The following ZNF599 variants were observed in gnomAD, a reference collection of about 807,000 sequenced individuals.
ZNF599 encodes the protein zinc finger protein 599.
In ZNF599, 10 loss-of-function variants were observed where a neutral mutation model predicts 11.7. That is an observed-to-expected ratio of 0.86 (90% CI 0.53 to 1.45). The LOEUF is 1.45. ZNF599 is among the 40% of genes most tolerant of loss of function. ZNF599 has a pLI of 0.00. For missense variants in ZNF599, 688 were observed against 713.6 expected, an observed-to-expected ratio of 0.96 and a Z score of 0.41; for synonymous variants, 232 against 253.2, an observed-to-expected ratio of 0.92 and a Z score of 0.79.
At chr19:34,795,434 C>G in the ZNF599 span, among the ~76,000 whole-genome samples, 1 of 152,128 alleles carries the variant, frequency 6.6e-6, no homozygotes. Flanking sequence ...ACTACCCTGC[C>G]CAGCTATTTT....
At chr19:34,772,434 C>T (rs944774984) in intron 1 of ZNF599, 8 of 1,056,360 alleles carry the variant, frequency 7.6e-6, no homozygotes, top group Non-Finnish European at 9.1e-6. Flanking sequence ...CTAGAGAGTC[C>T]TTCTTCAAAG....
At chr19:34,777,459 AATATATTAT>A (rs2069225793), upstream of ZNF599, among the ~76,000 whole-genome samples, 1 of 98,362 alleles carries the variant, frequency 1.0e-5, no homozygotes, top group South Asian at 2.5e-4. Flanking sequence ...ATTAATATAT[AATATATTAT>A]ATATTAATTA....
the ZNF599 span, among the ~76,000 whole-genome samples, chr19:34,782,197 C>A: frequency 6.6e-6 from 1 of 152,198 alleles, no homozygotes; most frequent in Non-Finnish European, 1.5e-5. Context: ...AGTTGGGCAA[C>A]TAAATGGTTG....
At chr19:34,791,068 A>G in the ZNF599 span, among the ~76,000 whole-genome samples, 1 of 152,212 alleles carries the variant, frequency 6.6e-6, no homozygotes, top group African/African-American at 2.4e-5. Flanking sequence ...AGACAATCCA[A>G]TGAGATGAAA....
chr19:34,778,462 G>GAAACTGATAAACGTCTAGC, the ZNF599 span, among the ~76,000 whole-genome samples: 1 of 152,076 alleles, frequency 6.6e-6, no homozygotes, highest in Non-Finnish European at 1.5e-5. Flanking sequence ...TGAGATCAAT[G>GAAACTGATAAACGTCTAGC]AAACTGATAA....
At chr19:34,798,751 T>G in the ZNF599 span, among the ~76,000 whole-genome samples, 2 of 152,246 alleles carry the variant, frequency 1.3e-5, no homozygotes, top group African/African-American at 4.8e-5. Context: ...TGTTACAGCC[T>G]AAATTATTTT....
Position 34,759,853 on chromosome 19 carries a change from A to G in ZNF599, c.948T>C (p.Cys316=). The change falls in exon 4 of 4, where the codon TGT becomes TGC. Residue 316 remains cysteine, a synonymous_variant. Coordinates refer to ENST00000329285, the MANE Select transcript of ZNF599 (RefSeq NM_001007248.3). ...TREKPFLCKE[C]GKAFYYSSSF... is the part of the protein sequence containing the mutation. The stretch of plus-strand genomic sequence containing the variant: ...AGGAGCTGTAGTAAAAAGCTTTCCC[A>G]CATTCTTTGCATAAAAAGGGTTTTT... 6.2e-7 allele frequency: 1 copy of G among 1,614,172 alleles called. No individual in the cohort carries two copies. The highest frequency in any genetic ancestry group is 1.3e-5 in the African/African-American group (1 of 75,046).
Position 34,760,163 on chromosome 19 carries a change from G to T in ZNF599, c.638C>A (p.Ala213Asp), listed in dbSNP as rs1568492307. 11 of 1,614,096 alleles carry T rather than the reference G, an allele frequency of 6.8e-6. No individual in the cohort carries two copies. Among genetic ancestry groups the T allele is most frequent in the Non-Finnish European group, 9.3e-6 (11 of 1,180,014 alleles). ...ATGAATCTGTTGATGCCGAACAAGG[G>T]CCCACTTCTTGCTAAACCCTTTCCC... Reference protein sequence around the residue: ...ECGKGFSKKWALVRHQQIHAG... With the variant: ...ECGKGFSKKWDLVRHQQIHAG... The change falls in exon 4 of 4, where the codon GCC becomes GAC. Residue 213 changes from alanine to aspartate, a missense_variant. By Grantham distance (126) the Ala-to-Asp change is moderately radical. Transcript: ENST00000329285.
At chr19:34,789,281 T>C in the ZNF599 span, among the ~76,000 whole-genome samples, 4 of 152,212 alleles carry the variant, frequency 2.6e-5, no homozygotes, top group Non-Finnish European at 5.9e-5. Flanking sequence ...GTTGTTCCCA[T>C]AGCTTAGCTT....
At chr19:34,780,221 C>T in the ZNF599 span, among the ~76,000 whole-genome samples, 24 of 152,188 alleles carry the variant, frequency 1.6e-4, no homozygotes, top group African/African-American at 5.1e-4. Flanking sequence ...AAGAGTAGAC[C>T]ACATGGCCAG....
chr19:34,775,854 C>T (rs551494481), upstream of ZNF599, among the ~76,000 whole-genome samples: 1 of 152,190 alleles, frequency 6.6e-6, no homozygotes, highest in East Asian at 1.9e-4. Flanking sequence ...AAATATTAGA[C>T]CTATTACTGC....
chr19:34,780,713 AAAG>A, the ZNF599 span, among the ~76,000 whole-genome samples: 1 of 150,572 alleles, frequency 6.6e-6, no homozygotes, highest in African/African-American at 2.4e-5. Context: ...CAAGAAAGAG[AAAG>A]AAGGAAAGAA....
intron 2 of ZNF599, among the ~76,000 whole-genome samples, 185 bp downstream of exon 2, chr19:34,769,244 T>C (rs1427187679): frequency 6.6e-6 from 1 of 152,164 alleles, no homozygotes; most frequent in Non-Finnish European, 1.5e-5. Flanking sequence ...AGGACTGTGT[T>C]TCTTACATAA....
the ZNF599 span, among the ~76,000 whole-genome samples, chr19:34,800,586 G>GTTTTTTTTTTT: frequency 5.8e-4 from 65 of 112,988 alleles, no homozygotes; most frequent in Non-Finnish European, 7.2e-4. Context: ...CATTTCCTTT[G>GTTTTTTTTTTT]TTTTTTTTTT....
chr19:34,758,976 G>GTCACCACTATGAGT lies in ZNF599; in HGVS notation c.*44_*57dup. The GTCACCACTATGAGT allele has an allele frequency of 6.6e-7, 1 of 1,505,740 alleles. No homozygotes were observed. Among genetic ancestry groups the GTCACCACTATGAGT allele is most frequent in the Non-Finnish European group, 9.0e-7 (1 of 1,116,604 alleles). The allele number at this position is 1,505,740 out of a possible 1,614,324, so 93.3% of individuals were successfully genotyped here. Reference sequence around the variant, plus strand: ...TAGTTATACTCAAAAGGAAAGGTATGTCACCACTATGAGTTCACTAAAGAC... The same window carrying GTCACCACTATGAGT: ...TAGTTATACTCAAAAGGAAAGGTATGTCACCACTATGAGTTCACCACTATGAGTTCACTAAAGAC... On this transcript the variant is annotated 3_prime_UTR_variant, in exon 4 of 4. Transcript: ENST00000329285.
the ZNF599 span, among the ~76,000 whole-genome samples, chr19:34,796,967 C>T: frequency 7.0e-6 from 1 of 142,256 alleles, no homozygotes; most frequent in Non-Finnish European, 1.5e-5. Flanking sequence ...TCCCCCCTCC[C>T]TCCACCCCAC....
intron 1 of ZNF599, among the ~76,000 whole-genome samples, chr19:34,771,707 A>G (rs1038142302): frequency 3.9e-5 from 6 of 152,188 alleles, no homozygotes; most frequent in Admixed American, 6.5e-5. Context: ...GTTGGGTTAG[A>G]TGAAATCTAA....
the ZNF599 span, among the ~76,000 whole-genome samples, chr19:34,796,305 G>C: frequency 2.0e-5 from 3 of 151,572 alleles, no homozygotes; most frequent in African/African-American, 4.8e-5. Context: ...TGCCTAATAG[G>C]AGCCCTTCAA....
At chr19:34,804,944 A>T in the ZNF599 span, among the ~76,000 whole-genome samples, 1 of 152,184 alleles carries the variant, frequency 6.6e-6, no homozygotes, top group African/African-American at 2.4e-5. Context: ...GTATTGCACA[A>T]AACCCTCTTC....
Sources: gnomAD v4.1 joint callset for allele counts (sites outside exome capture counted in the v4.1 genomes callset) on GRCh38, gnomAD v4.1.1 for gene constraint, MANE v1.5 for transcripts, NCBI Gene and HGNC (gene_info 2026-07-23, HGNC 2026-07-21) for gene names.